The following WDR7 variants were observed in gnomAD, a reference collection of about 807,000 sequenced individuals.
WDR7 encodes the protein WD repeat-containing protein 7.
A neutral mutation model predicts 169.4 loss-of-function variants in WDR7; 46 were observed. The observed-to-expected ratio is 0.27, with a 90% CI of 0.21 to 0.35. The LOEUF (loss-of-function observed/expected upper bound fraction) is 0.35. Among genes scored for constraint, WDR7 ranks in the 10% least tolerant of loss-of-function variants. WDR7 has a pLI of 1.00. For missense variants in WDR7, 1,534 were observed against 1,859.3 expected (o/e 0.83, Z 3.22); for synonymous variants, 612 against 666.8 (o/e 0.92, Z 1.27).
At chr18:57,009,850 G>GCAAAGGAGAGGTGA in intron 26 of WDR7, 2 of 985,360 alleles carry the variant, frequency 2.0e-6, no homozygotes. Context: ...ACTATACCAG[G>GCAAAGGAGAGGTGA]CAAAGGAGAG....
chr18:56,832,712 A>G (rs887213894), intron 20 of WDR7, among the ~76,000 whole-genome samples: 6 of 152,112 alleles, frequency 3.9e-5, no homozygotes, highest in African/African-American at 1.4e-4. Flanking sequence ...TCTGGAGTGG[A>G]CCTCCAGCAA....
intron 21 of WDR7, among the ~76,000 whole-genome samples, chr18:56,913,009 G>A (rs1288696611): frequency 6.6e-6 from 1 of 151,746 alleles, no homozygotes; most frequent in Non-Finnish European, 1.5e-5. Context: ...CAGCTAGCTG[G>A]GACTGCAGGT....
At chr18:56,999,311 A>G (rs1463807551) in intron 26 of WDR7, among the ~76,000 whole-genome samples, 1 of 152,206 alleles carries the variant, frequency 6.6e-6, no homozygotes, top group Non-Finnish European at 1.5e-5. Flanking sequence ...GAATACAGAA[A>G]TATAGAAAAG....
intron 19 of WDR7, among the ~76,000 whole-genome samples, chr18:56,813,356 T>C (rs1028747269): frequency 1.4e-4 from 21 of 152,110 alleles, no homozygotes; most frequent in African/African-American, 1.9e-4. Flanking sequence ...TTCCTGATCA[T>C]AGGGCAAAAG....
chr18:56,986,954 G>C (rs1304263208), intron 26 of WDR7, among the ~76,000 whole-genome samples: 1 of 151,874 alleles, frequency 6.6e-6, no homozygotes, highest in Non-Finnish European at 1.5e-5. Flanking sequence ...GTAACCTTTG[G>C]GAAAACCACA....
intron 21 of WDR7, among the ~76,000 whole-genome samples, chr18:56,892,391 G>T (rs550162056): frequency 6.6e-6 from 1 of 152,102 alleles, no homozygotes; most frequent in African/African-American, 2.4e-5. Flanking sequence ...GTATTTTTCT[G>T]CTGTCTGTCC....
chr18:56,755,170 C>G (rs976089044), intron 14 of WDR7, among the ~76,000 whole-genome samples: 17 of 151,108 alleles, frequency 1.1e-4, no homozygotes, highest in Admixed American at 9.9e-4. Context: ...CTTCATTAGT[C>G]CTATTTCTGG....
chr18:56,762,142 A>G (rs2043988990), intron 16 of WDR7, among the ~76,000 whole-genome samples: 1 of 152,086 alleles, frequency 6.6e-6, no homozygotes. Flanking sequence ...AATTTAGAAC[A>G]TAAACCCAAT....
In WDR7 at chr18:56,900,603, G is replaced by A. The variant is rs1259362872; in HGVS notation, c.3526+20438G>A. On this transcript the variant is annotated intron_variant, in intron 21 of 27. Coordinates refer to ENST00000254442, the MANE Select transcript of WDR7 (RefSeq NM_015285.3). ...GTAAAGTGACTCAGGACTGGGAGAG[G>A]CCCTCCTCCAAGGCTAAGATTAGAC... 2.6e-5 allele frequency among the ~76,000 whole-genome samples: 4 copies of A among 152,164 alleles called. No homozygotes were observed. In the East Asian group the frequency reaches 7.7e-4, roughly 29 times the overall value.
chr18:56,914,888 A>G (rs189597704), intron 21 of WDR7, among the ~76,000 whole-genome samples: 127 of 152,308 alleles, frequency 8.3e-4, no homozygotes, highest in African/African-American at 2.9e-3. Context: ...TCCCTACATG[A>G]CACAACTTAA....
chr18:56,692,561 G>A (rs182001895), intron 9 of WDR7, among the ~76,000 whole-genome samples: 1 of 149,570 alleles, frequency 6.7e-6, no homozygotes, highest in East Asian at 2.0e-4. Flanking sequence ...TGAATATTTT[G>A]AATATATAGA....
Position 56,696,607 on chromosome 18 carries a change from T to C in WDR7, c.1578+145T>C, listed in dbSNP as rs1598968893. The C allele has an allele frequency of 6.9e-6, 5 of 725,972 alleles. No homozygotes were observed. The East Asian group carries it at 1.4e-4, about 20-fold the overall frequency. The allele number at this position is 725,972 out of a possible 1,614,324, so 45.0% of individuals were successfully genotyped here. ...CCTTTCAATTTTAAAACTAAAATAATAGTAACATTTAGGCAAAGTTACGGC... is the reference window on the plus strand; with the variant it reads ...CCTTTCAATTTTAAAACTAAAATAACAGTAACATTTAGGCAAAGTTACGGC... On this transcript the variant is annotated intron_variant, in intron 12 of 27. Coordinates refer to ENST00000254442, the MANE Select transcript of WDR7 (RefSeq NM_015285.3).
Position 56,686,162 on chromosome 18 carries a change from A to G in WDR7, c.597+130A>G, listed in dbSNP as rs1003338799. ...GTGATTATTTTTTGATAATTTTCTT[A>G]TAGGCATAGTATGGAAGATTCTCTA... On this transcript the variant is annotated intron_variant, in intron 6 of 27. Coordinates refer to ENST00000254442, the MANE Select transcript of WDR7 (RefSeq NM_015285.3). 8.4e-6 allele frequency: 6 copies of G among 713,200 alleles called. No individual in the cohort carries two copies. In the African/African-American group the frequency reaches 9.2e-5, roughly 11 times the overall value. 44.2% of individuals were successfully genotyped at this position (713,200 alleles called of 1,614,324 possible). A position where few individuals can be genotyped will look rare whatever the true frequency, so the allele number is the denominator to read the frequency against.
chr18:56,904,534 A>G (rs559872915), intron 21 of WDR7, among the ~76,000 whole-genome samples: 46 of 152,244 alleles, frequency 3.0e-4, no homozygotes, highest in African/African-American at 9.9e-4. Context: ...TGATTTCAAG[A>G]TACTCATGAT....
chr18:57,034,159 A>AG (rs1239062025), downstream of WDR7: 1 of 152,024 alleles, frequency 6.6e-6, no homozygotes, highest in Non-Finnish European at 1.5e-5. Flanking sequence ...ACAGAGACTC[A>AG]GCAAGTCGTA....
chr18:56,685,891 T>TA, intron 5 of WDR7, 65 bp from the exon 6 acceptor site: 1 of 1,272,006 alleles, frequency 7.9e-7, no homozygotes, highest in Non-Finnish European at 1.1e-6. Flanking sequence ...CAAAACATCT[T>TA]AATATTTAGA....
At chr18:56,733,117 C>G (rs970705924) in intron 14 of WDR7, among the ~76,000 whole-genome samples, 2 of 151,992 alleles carry the variant, frequency 1.3e-5, no homozygotes, top group African/African-American at 4.8e-5. Context: ...GATAAAAGCA[C>G]CAGATATCAG....
intron 22 of WDR7, among the ~76,000 whole-genome samples, chr18:56,932,059 G>A (rs906040681): frequency 1.3e-5 from 2 of 152,044 alleles, no homozygotes; most frequent in South Asian, 2.1e-4. Flanking sequence ...CTATGATGAC[G>A]GTGAATTGAG....
intron 19 of WDR7, among the ~76,000 whole-genome samples, chr18:56,799,583 T>C (rs2044639715): frequency 6.6e-6 from 1 of 152,126 alleles, no homozygotes; most frequent in African/African-American, 2.4e-5. Flanking sequence ...TATAAAAATA[T>C]ATAAGACTTG....
Sources: allele counts gnomAD v4.1 joint callset (sites outside exome capture counted in the v4.1 genomes callset), GRCh38; gene constraint gnomAD v4.1.1; transcripts MANE v1.5; gene names NCBI Gene and HGNC (gene_info 2026-07-23, HGNC 2026-07-21).